RAP1GAP2: variants seen among roughly 807,000 people sequenced by gnomAD.
RAP1GAP2 encodes the protein RAP1 GTPase activating protein 2, also known as rap1 GTPase-activating protein 2.
In RAP1GAP2, 27 loss-of-function variants were observed where a neutral mutation model predicts 95.0. The ratio of observed to expected loss-of-function variants is 0.28; its 90% CI spans 0.21 to 0.39. The LOEUF (loss-of-function observed/expected upper bound fraction) is 0.39. Ranked by LOEUF, RAP1GAP2 falls within the 10% of genes least tolerant of loss-of-function variation. The probability of loss-of-function intolerance (pLI) is 1.00; values close to 1 mark genes in which losing one functional copy is unlikely to be tolerated. For missense variants in RAP1GAP2, 771 were observed against 970.0 expected (o/e 0.79, Z 2.72); for synonymous variants, 373 against 380.9 (o/e 0.98, Z 0.24).
chr17:2,917,461 G>A (rs1250047968), intron 3 of RAP1GAP2, among the ~76,000 whole-genome samples: 2 of 152,058 alleles, frequency 1.3e-5, no homozygotes, highest in African/African-American at 4.8e-5. Flanking sequence ...GTAGAGTTGG[G>A]GTTTCTCCAT....
intron 2 of RAP1GAP2, among the ~76,000 whole-genome samples, chr17:2,822,138 G>C (rs2070331968): frequency 6.6e-6 from 1 of 152,082 alleles, no homozygotes; most frequent in South Asian, 2.1e-4. Flanking sequence ...TCAGCACCCA[G>C]TTCAAGCATA....
rs139839276 is a variant in RAP1GAP2 at position 2,925,257 on chromosome 17, G to A, written c.165+19889G>A. ...AAAAGTGATGCAAGATGAGCCATTC[G>A]CACACTGCTGTAAAGAAATACTTCA... On this transcript the variant is annotated intron_variant, in intron 3 of 24. Transcript: ENST00000254695. 1.5e-4 allele frequency among the ~76,000 whole-genome samples: 23 copies of A among 152,296 alleles called. No individual in the cohort carries two copies. The East Asian group carries it at 3.9e-3, about 26-fold the overall frequency.
intron 23 of RAP1GAP2, among the ~76,000 whole-genome samples, chr17:3,031,739 C>T (rs2047311844): frequency 6.8e-6 from 1 of 147,848 alleles, no homozygotes. Context: ...TTCCTGGGTC[C>T]CGAATCCCTT....
chr17:2,755,819 C>A, intron 1 of RAP1GAP2: 1 of 349,452 alleles, frequency 2.9e-6, no homozygotes, highest in Non-Finnish European at 5.2e-6. Context: ...AACCCCGAGG[C>A]CCGGCCGGCG....
At position 3,017,940 on chromosome 17, in the gene RAP1GAP2, TG is replaced by T. The variant is rs2151638688; in HGVS notation, c.1495-120del. 6.2e-6 allele frequency: 5 copies of T among 808,734 alleles called. No individual in the cohort carries two copies. In the Admixed American group the frequency reaches 1.2e-4, roughly 19 times the overall value. 50.1% of individuals were successfully genotyped at this position (808,734 alleles called of 1,614,324 possible). A position where few individuals can be genotyped will look rare whatever the true frequency, so the allele number is the denominator to read the frequency against. ...CCGTGTGTGTGTGTGTGTGTGTGTG[TG>T]TGTGTGTATGTGTGCACGCATACGT... On this transcript the variant is annotated intron_variant, in intron 17 of 24. Transcript: ENST00000254695.
At chr17:2,793,660 T>A (rs2068989094), upstream of RAP1GAP2, among the ~76,000 whole-genome samples, 1 of 152,254 alleles carries the variant, frequency 6.6e-6, no homozygotes, top group South Asian at 2.1e-4. Context: ...TTTTCTTTAG[T>A]TGGGACTTTA....
At chr17:2,933,929 C>T (rs945147974) in intron 3 of RAP1GAP2, among the ~76,000 whole-genome samples, 4 of 152,258 alleles carry the variant, frequency 2.6e-5, no homozygotes, top group Admixed American at 6.5e-5. Flanking sequence ...CCTTAACCAG[C>T]GTGGGCAGCT....
rs527970494 is a variant in RAP1GAP2, at chr17:2,816,967, G to A, written c.80+16417G>A. ...CTTCAAGGTTCATCCATGTTGTAGC[G>A]TGTGTCAGAATTTCCTTTTTTTTTT... On this transcript the variant is annotated intron_variant, in intron 2 of 24. Transcript: ENST00000254695. Among the ~76,000 whole-genome samples the A allele has an allele frequency of 1.6e-4, 17 of 108,298 alleles. 3 individuals carry two copies. The South Asian group carries it at 4.1e-3, about 26-fold the overall frequency. The allele number at this position is 108,298 out of a possible 152,430, so 71.0% of individuals were successfully genotyped here.
chr17:3,019,577 T>A (rs1212252593), intron 18 of RAP1GAP2, among the ~76,000 whole-genome samples: 3 of 152,228 alleles, frequency 2.0e-5, no homozygotes, highest in Non-Finnish European at 4.4e-5. Flanking sequence ...TCCTTTCTTT[T>A]CCTTCAAAAT....
chr17:2,892,379 G>T (rs1671799959), intron 2 of RAP1GAP2, among the ~76,000 whole-genome samples: 1 of 152,120 alleles, frequency 6.6e-6, no homozygotes, highest in African/African-American at 2.4e-5. Context: ...AGTTCTGTGG[G>T]TGAGGAATTC....
At chr17:2,888,033 A>G (rs912807605) in intron 2 of RAP1GAP2, among the ~76,000 whole-genome samples, 2 of 152,148 alleles carry the variant, frequency 1.3e-5, no homozygotes, top group African/African-American at 2.4e-5. Context: ...AGCAGAATCA[A>G]TCCCCAGGGA....
intron 3 of RAP1GAP2, among the ~76,000 whole-genome samples, chr17:2,939,217 G>A (rs576940879): frequency 6.7e-4 from 102 of 152,146 alleles, no homozygotes; most frequent in Non-Finnish European, 1.2e-3. Context: ...ACTCCCCCGA[G>A]TAGCTGGGAC....
At chr17:2,771,593 G>A (rs553000411) in intron 2 of RAP1GAP2, among the ~76,000 whole-genome samples, 47 of 149,786 alleles carry the variant, frequency 3.1e-4, no homozygotes, top group African/African-American at 1.2e-3. Context: ...TCCTGGAGGC[G>A]ATTCTCCTGC....
intron 2 of RAP1GAP2, among the ~76,000 whole-genome samples, chr17:2,848,793 C>T (rs1047192049): frequency 1.3e-5 from 2 of 152,168 alleles, no homozygotes; most frequent in African/African-American, 4.8e-5. Flanking sequence ...GGATTACAGG[C>T]GTGAGCCACC....
At chr17:3,001,260 GCT>G (rs1331095879) in intron 14 of RAP1GAP2, among the ~76,000 whole-genome samples, 11 of 36,808 alleles carry the variant, frequency 3.0e-4, no homozygotes, top group South Asian at 8.3e-4. Context: ...GCAGGTCCAA[GCT>G]CCAGGCTGAA....
At chr17:2,820,846 C>T (rs1272062818) in intron 2 of RAP1GAP2, among the ~76,000 whole-genome samples, 18 of 149,638 alleles carry the variant, frequency 1.2e-4, no homozygotes, top group Non-Finnish European at 2.5e-4. Context: ...CTCAGCCTCC[C>T]AAGTAGCTGG....
intron 3 of RAP1GAP2, among the ~76,000 whole-genome samples, chr17:2,936,784 C>T (rs1351258193): frequency 6.6e-6 from 1 of 152,152 alleles, no homozygotes; most frequent in African/African-American, 2.4e-5. Flanking sequence ...CCTCCCGGGA[C>T]CCCCTTCCTT....
intron 3 of RAP1GAP2, among the ~76,000 whole-genome samples, chr17:2,941,092 C>T (rs971829990): frequency 1.3e-5 from 2 of 152,182 alleles, no homozygotes; most frequent in African/African-American, 4.8e-5. Context: ...ACTGATCTCA[C>T]CTGATTGATG....
Position 2,780,877 on chromosome 17 carries a change from G to A in RAP1GAP2, c.-14+3599G>A, listed in dbSNP as rs371530093. ...TGTCCACACCTCTCTCAGTGCTTTGGTGCCTGTCCAGTAGGAAGTTCTGCC... is the reference window on the plus strand; with the variant it reads ...TGTCCACACCTCTCTCAGTGCTTTGATGCCTGTCCAGTAGGAAGTTCTGCC... On this transcript the variant is annotated intron_variant, in intron 1 of 24. Transcript: ENST00000540393. 1.4e-4 allele frequency among the ~76,000 whole-genome samples: 22 copies of A among 152,316 alleles called. No individual in the cohort carries two copies. In the East Asian group the frequency reaches 1.7e-3, roughly 12 times the overall value.
Sources: gnomAD v4.1 joint callset for allele counts (sites outside exome capture counted in the v4.1 genomes callset) on GRCh38, gnomAD v4.1.1 for gene constraint, MANE v1.5 for transcripts, NCBI Gene and HGNC (gene_info 2026-07-23, HGNC 2026-07-21) for gene names.